Variants in LRIG2 observed in about 807,000 individuals in gnomAD.
LRIG2 encodes leucine-rich repeats and immunoglobulin-like domains protein 2.
Under a neutral mutation model 107.8 loss-of-function variants are expected in LRIG2, and 93 were observed. That is an observed-to-expected ratio of 0.86 (90% CI 0.73 to 1.03). LRIG2 has a LOEUF of 1.03. LRIG2 is among the 50% of genes least tolerant of loss of function. LRIG2 has a pLI of 0.00. For missense variants in LRIG2, 1,226 were observed against 1,296.0 expected, an observed-to-expected ratio of 0.95 and a Z score of 0.83; for synonymous variants, 471 against 470.6, an observed-to-expected ratio of 1.00 and a Z score of -0.01.
chr1:113,077,852 A>G (rs1282717552), intron 1 of LRIG2, among the ~76,000 whole-genome samples: 1 of 150,362 alleles, frequency 6.7e-6, no homozygotes, highest in Non-Finnish European at 1.5e-5. Flanking sequence ...CATCATTTAC[A>G]TTAGGTATAT....
rs1654816273 is a variant in LRIG2 at position 113,112,583 on chromosome 1, TGG to T, written c.1904_1905del (p.Trp635SerfsTer7). ...GGGACACCCTGCACCTCAGATTTCCTGGCAGAAAGATGGTGGTACTGACTTTC... is the reference window on the plus strand; with the variant it reads ...GGGACACCCTGCACCTCAGATTTCCTCAGAAAGATGGTGGTACTGACTTTC... ...AEGHPAPQIS[W>X]QKDGGTDFPA... On this transcript the variant is annotated frameshift_variant, in exon 14 of 18. Transcript: ENST00000361127. LOFTEE classifies it high-confidence loss of function. The T allele has an allele frequency of 6.2e-7, 1 of 1,614,102 alleles. No homozygotes were observed. The highest frequency in any genetic ancestry group is 1.3e-5 in the African/African-American group (1 of 74,946).
intron 15 of LRIG2, 93 bp from the exon 16 acceptor site, chr1:113,116,194 A>T: frequency 9.5e-7 from 1 of 1,049,106 alleles, no homozygotes; most frequent in Admixed American, 2.4e-5. Context: ...TTTTCTTGCT[A>T]ATAGTATCAA....
chr1:113,117,142 G>C (rs1655056336), intron 16 of LRIG2, among the ~76,000 whole-genome samples: 1 of 152,148 alleles, frequency 6.6e-6, no homozygotes, highest in Non-Finnish European at 1.5e-5. Context: ...CCTTTTCATA[G>C]CCTCGCTCCC....
chr1:113,087,982 A>T (rs565456837), intron 1 of LRIG2, among the ~76,000 whole-genome samples: 2 of 152,236 alleles, frequency 1.3e-5, no homozygotes, highest in South Asian at 4.1e-4. Flanking sequence ...ACATGGTCCA[A>T]TAAGTGTTTA....
At chr1:113,092,603 T>C (rs1653877931) in intron 2 of LRIG2, among the ~76,000 whole-genome samples, 1 of 152,210 alleles carries the variant, frequency 6.6e-6, no homozygotes, top group Non-Finnish European at 1.5e-5. Flanking sequence ...ACCCAACTTA[T>C]TCAAAGAACT....
At chr1:113,073,809 G>C (rs1652825582) in intron 1 of LRIG2, among the ~76,000 whole-genome samples, 164 bp downstream of exon 1, 1 of 152,054 alleles carries the variant, frequency 6.6e-6, no homozygotes, top group African/African-American at 2.4e-5. Context: ...GGTGGTGGGA[G>C]CCTAAAAAAG....
chr1:113,095,532 C>A (rs954374821), intron 6 of LRIG2, among the ~76,000 whole-genome samples: 2 of 151,984 alleles, frequency 1.3e-5, no homozygotes, highest in South Asian at 2.1e-4. Context: ...CCTCAGCCTC[C>A]CGAGTAGCTG....
intron 1 of LRIG2, among the ~76,000 whole-genome samples, chr1:113,085,205 G>A (rs1049206465): frequency 1.3e-5 from 2 of 152,204 alleles, no homozygotes; most frequent in African/African-American, 4.8e-5. Context: ...GTGATTAGCA[G>A]TTTTAAAGTT....
intron 1 of LRIG2, among the ~76,000 whole-genome samples, chr1:113,088,458 A>T (rs1030409977): frequency 2.6e-5 from 4 of 152,220 alleles, no homozygotes; most frequent in African/African-American, 7.2e-5. Context: ...TTCTTTAAAA[A>T]TGATTATGTG....
chr1:113,124,386 G>A lies in LRIG2; in HGVS notation c.*285G>A, dbSNP rs1655401956. 4.3e-6 allele frequency: 2 copies of A among 461,640 alleles called. No homozygotes were observed. 28.6% of individuals were successfully genotyped at this position (461,640 alleles called of 1,614,324 possible). A position where few individuals can be genotyped will look rare whatever the true frequency, so the allele number is the denominator to read the frequency against. ...TGCTTCCATGGGGATGTGCCCTGGTGTGCATCTGCTTGTCAGGAAGAGTCA... is the reference window on the plus strand; with the variant it reads ...TGCTTCCATGGGGATGTGCCCTGGTATGCATCTGCTTGTCAGGAAGAGTCA... On this transcript the variant is annotated 3_prime_UTR_variant, in exon 18 of 18. Transcript: ENST00000361127.
At chr1:113,099,236 G>GTTCTTTTCTTTTTTTT in intron 9 of LRIG2, among the ~76,000 whole-genome samples, 1 of 16,194 alleles carries the variant, frequency 6.2e-5, no homozygotes. Flanking sequence ...AACTTGGCTG[G>GTTCTTTTCTTTTTTTT]TTTTTTTCTT....
rs1194853953 is a variant in LRIG2 at position 113,107,401 on chromosome 1, CTT to C, written c.1314-187_1314-186del. Among the ~76,000 whole-genome samples the C allele has an allele frequency of 2.2e-4, 33 of 152,020 alleles. 1 individual carries two copies. The highest frequency in any genetic ancestry group is 2.2e-3 in the Admixed American group (33 of 15,248). On this transcript the variant is annotated intron_variant, in intron 11 of 17. Transcript: ENST00000361127. Reference sequence around the variant, plus strand: ...TCCCTGGCCACCCTTCTTCCCCTCTCTTTTTTTAGTGTCTTTCATGAGGTTGA... The same window carrying C: ...TCCCTGGCCACCCTTCTTCCCCTCTCTTTTTAGTGTCTTTCATGAGGTTGA...
intron 11 of LRIG2, among the ~76,000 whole-genome samples, chr1:113,105,774 A>G (rs1036656656): frequency 2.0e-5 from 3 of 152,222 alleles, no homozygotes; most frequent in Non-Finnish European, 4.4e-5. Flanking sequence ...AAGTTCCTGC[A>G]ATAGCAGTTT....
intron 1 of LRIG2, among the ~76,000 whole-genome samples, chr1:113,085,035 A>G (rs1557898888): frequency 6.6e-6 from 1 of 152,202 alleles, no homozygotes; most frequent in Non-Finnish European, 1.5e-5. Flanking sequence ...TGGAGAATGG[A>G]ATAGTTAATT....
Position 113,112,602 on chromosome 1 carries a change from C to G in LRIG2, c.1922C>G (p.Thr641Ser). 1.9e-6 allele frequency: 3 copies of G among 1,614,182 alleles called. No individual in the cohort carries two copies. The change falls in exon 14 of 18, where the codon ACT becomes AGT. Residue 641 changes from threonine to serine, a missense_variant. By Grantham distance (58) the Thr-to-Ser change is moderately conservative (BLOSUM62 1). Around this residue, in one of 3 missense-constraint regions of LRIG2, gnomAD observed 642 missense variants for 712.2 expected, o/e 0.90. Coordinates refer to ENST00000361127, the MANE Select transcript of LRIG2 (RefSeq NM_014813.3). ...PQISWQKDGGTDFPAARERRM... is the reference protein window; with the variant it reads ...PQISWQKDGGSDFPAARERRM... ...ATTTCCTGGCAGAAAGATGGTGGTA[C>G]TGACTTTCCTGCGGCTCGAGAAAGA...
intron 13 of LRIG2, among the ~76,000 whole-genome samples, chr1:113,110,936 A>AT (rs2101055613): frequency 6.6e-6 from 1 of 152,144 alleles, no homozygotes; most frequent in South Asian, 2.1e-4. Context: ...TATTTAGGAC[A>AT]TTTTTGGGTC....
chr1:113,102,711 G>C (rs1654360006), intron 11 of LRIG2, among the ~76,000 whole-genome samples: 1 of 152,020 alleles, frequency 6.6e-6, no homozygotes, highest in South Asian at 2.1e-4. Flanking sequence ...TAAAGAGAGA[G>C]TTAGGAGGCA....
In LRIG2 at chr1:113,112,424, T is replaced by C. The variant is rs1654808548; in HGVS notation, c.1799-55T>C. 3.3e-6 allele frequency: 5 copies of C among 1,524,250 alleles called. No individual in the cohort carries two copies. In the Admixed American group the frequency reaches 5.4e-5, roughly 17 times the overall value. The allele number at this position is 1,524,250 out of a possible 1,614,324, so 94.4% of individuals were successfully genotyped here. A position where few individuals can be genotyped will look rare whatever the true frequency, so the allele number is the denominator to read the frequency against. On this transcript the variant is annotated intron_variant, in intron 13 of 17. Transcript: ENST00000361127. ...ATTCTTTCATGCCTATTTGTATGCA[T>C]ATATGTGTCTTTGTTCCCTTGCCCA...
Position 113,084,427 on chromosome 1 carries a change from A to G in LRIG2, c.240-6891A>G, listed in dbSNP as rs374907813. 2.5e-3 allele frequency among the ~76,000 whole-genome samples: 374 copies of G among 151,842 alleles called. 1 individual carries two copies. The highest frequency in any genetic ancestry group is 7.8e-3 in the African/African-American group (324 of 41,432). On this transcript the variant is annotated intron_variant, in intron 1 of 17. Transcript: ENST00000361127. ...AGACGGGGTTTCACCGTGTTAGCCA[A>G]GATGGTCTCGATCTCCTGACCTTGT...
Sources: allele counts gnomAD v4.1 joint callset (sites outside exome capture counted in the v4.1 genomes callset), GRCh38; gene constraint gnomAD v4.1.1; regional missense constraint gnomAD v4.1.1; transcripts MANE v1.5; gene names NCBI Gene and HGNC (gene_info 2026-07-23, HGNC 2026-07-21).